The following HPSE2 variants were observed in gnomAD, a reference collection of about 807,000 sequenced individuals.
The protein encoded by HPSE2 is heparanase 2 (inactive), also known as inactive heparanase-2.
In HPSE2, 38 loss-of-function variants were observed where a neutral mutation model predicts 60.5. The observed-to-expected ratio is 0.63, with a 90% CI of 0.48 to 0.82. The LOEUF (loss-of-function observed/expected upper bound fraction) is 0.82, where lower values mean the gene tolerates loss of function less well. Ranked by LOEUF, HPSE2 falls within the 40% of genes least tolerant of loss-of-function variation. The pLI is 0.00. For missense variants in HPSE2, 713 were observed against 740.4 expected, an observed-to-expected ratio of 0.96 and a Z score of 0.43; for synonymous variants, 295 against 293.2, an observed-to-expected ratio of 1.01 and a Z score of -0.06.
chr10:98,507,213 T>C (rs1942230873), intron 9 of HPSE2, among the ~76,000 whole-genome samples: 1 of 152,146 alleles, frequency 6.6e-6, no homozygotes, highest in African/African-American at 2.4e-5. Flanking sequence ...ATGGGAGTTA[T>C]TGGTAATGTT....
rs1009571729 is a variant in HPSE2 at position 98,458,713 on chromosome 10, T to C, written c.*861A>G. Reference sequence around the variant, plus strand: ...AGTTGGGGTGTGTGTGTGTACCTGATGTTTCAGTATGCTTTCTCTTTGTAC... The same window carrying C: ...AGTTGGGGTGTGTGTGTGTACCTGACGTTTCAGTATGCTTTCTCTTTGTAC... On this transcript the variant is annotated 3_prime_UTR_variant, in exon 12 of 12. Transcript: ENST00000370552. 3.3e-5 allele frequency: 5 copies of C among 152,558 alleles called. No individual in the cohort carries two copies. Among genetic ancestry groups the C allele is most frequent in the Non-Finnish European group, 5.9e-5 (4 of 68,334 alleles). The allele number at this position is 152,558 out of a possible 1,614,324, so 9.5% of individuals were successfully genotyped here.
intron 3 of HPSE2, among the ~76,000 whole-genome samples, chr10:98,776,802 T>C: frequency 6.6e-6 from 1 of 152,132 alleles, no homozygotes; most frequent in East Asian, 1.9e-4. Flanking sequence ...AACTGTGTAT[T>C]AGATGATTAT....
the HPSE2 span, among the ~76,000 whole-genome samples, chr10:99,268,501 C>A: frequency 6.6e-6 from 1 of 151,462 alleles, no homozygotes; most frequent in Non-Finnish European, 1.5e-5. Context: ...CAAAAATTAG[C>A]CGGGTGTGGT....
chr10:98,895,269 T>C (rs1262523520), intron 3 of HPSE2, among the ~76,000 whole-genome samples: 1 of 151,982 alleles, frequency 6.6e-6, no homozygotes, highest in Non-Finnish European at 1.5e-5. Flanking sequence ...ATATAGAAAA[T>C]ACAGAGAGTT....
At chr10:98,809,507 T>C (rs1005310223) in intron 3 of HPSE2, among the ~76,000 whole-genome samples, 4 of 149,968 alleles carry the variant, frequency 2.7e-5, no homozygotes, top group Non-Finnish European at 5.9e-5. Context: ...ACAAATTCTG[T>C]ATGTATGTGT....
At chr10:98,551,362 C>T (rs1405438557) in intron 9 of HPSE2, among the ~76,000 whole-genome samples, 1 of 152,176 alleles carries the variant, frequency 6.6e-6, no homozygotes, top group Non-Finnish European at 1.5e-5. Flanking sequence ...TTGTACTGAA[C>T]ATCTGCTGCT....
chr10:99,313,402 G>A, the HPSE2 span, among the ~76,000 whole-genome samples: 2 of 152,122 alleles, frequency 1.3e-5, no homozygotes, highest in African/African-American at 4.8e-5. Context: ...GAGAAGTGCT[G>A]CAATCTCAGG....
intron 3 of HPSE2, among the ~76,000 whole-genome samples, chr10:98,782,928 T>TAC (rs1950511524): frequency 1.6e-4 from 1 of 6,088 alleles, no homozygotes; most frequent in Non-Finnish European, 5.2e-4. Flanking sequence ...TTTTTTTTAT[T>TAC]TTTTTTTTTA....
chr10:98,814,902 T>C (rs1951250221), intron 3 of HPSE2, among the ~76,000 whole-genome samples: 1 of 152,232 alleles, frequency 6.6e-6, no homozygotes, highest in Admixed American at 6.5e-5. Context: ...ACTCAAGAGA[T>C]TTCCATTCTT....
chr10:98,492,299 G>C (rs575663679), intron 9 of HPSE2, among the ~76,000 whole-genome samples: 3 of 152,160 alleles, frequency 2.0e-5, no homozygotes, highest in Non-Finnish European at 4.4e-5. Context: ...TCAGGAGATC[G>C]AGACCATCCT....
rs71304999 is a variant in HPSE2 at position 98,600,926 on chromosome 10, T to TATATATATATATAAA, written c.1320+13977_1320+13978insTTTATATATATATAT. On this transcript the variant is annotated intron_variant, in intron 9 of 11. Coordinates refer to ENST00000370552, the MANE Select transcript of HPSE2 (RefSeq NM_021828.5). ...ATGTGTGTGTGTATATATATATATA[T>TATATATATATATAAA]ATATATATATATATAGAAAGAGAGA... Among the ~76,000 whole-genome samples, 86 of 107,900 alleles carry TATATATATATATAAA rather than the reference T, an allele frequency of 8.0e-4. 1 individual carries two copies. The highest frequency in any genetic ancestry group is 6.3e-3 in the East Asian group (22 of 3,492). 70.8% of individuals were successfully genotyped at this position (107,900 alleles called of 152,430 possible). A position where few individuals can be genotyped will look rare whatever the true frequency, so the allele number is the denominator to read the frequency against.
intron 2 of HPSE2, among the ~76,000 whole-genome samples, chr10:99,150,616 T>C (rs1846224315): frequency 6.6e-6 from 1 of 152,192 alleles, no homozygotes; most frequent in Non-Finnish European, 1.5e-5. Context: ...CCACCAAATC[T>C]GGCCTAGCTA....
intron 5 of HPSE2, among the ~76,000 whole-genome samples, chr10:98,716,957 G>A (rs189695505): frequency 1.2e-4 from 19 of 152,066 alleles, no homozygotes; most frequent in Non-Finnish European, 1.8e-4. Flanking sequence ...GAGACCCTAC[G>A]ATTTTCAGAG....
chr10:98,781,635 A>G (rs1950472583), intron 3 of HPSE2, among the ~76,000 whole-genome samples: 1 of 152,296 alleles, frequency 6.6e-6, no homozygotes, highest in Admixed American at 6.5e-5. Flanking sequence ...TTTACTTGTA[A>G]TCAAAGAAAT....
intron 11 of HPSE2, among the ~76,000 whole-genome samples, chr10:98,470,387 C>T (rs1309212179): frequency 2.0e-5 from 3 of 152,080 alleles, no homozygotes; most frequent in East Asian, 1.9e-4. Flanking sequence ...CTAGTCTGCA[C>T]GGGTATTGCT....
intron 3 of HPSE2, among the ~76,000 whole-genome samples, chr10:98,978,079 T>G (rs1488431104): frequency 6.6e-6 from 1 of 152,052 alleles, no homozygotes; most frequent in Non-Finnish European, 1.5e-5. Flanking sequence ...TAGTACAAGG[T>G]AGAGCCAGGA....
At chr10:98,522,261 A>T (rs1378079355) in intron 9 of HPSE2, among the ~76,000 whole-genome samples, 1 of 152,126 alleles carries the variant, frequency 6.6e-6, no homozygotes, top group East Asian at 1.9e-4. Context: ...TATGCAAAAA[A>T]AAAACAATAA....
chr10:99,297,915 T>C, the HPSE2 span, among the ~76,000 whole-genome samples: 1 of 152,182 alleles, frequency 6.6e-6, no homozygotes, highest in African/African-American at 2.4e-5. Flanking sequence ...CCCAGGCGAA[T>C]GTTGGTCTTG....
rs557175982 is a variant in HPSE2 at position 98,864,384 on chromosome 10, T to C, written c.611-120328A>G. Among the ~76,000 whole-genome samples the C allele has an allele frequency of 5.9e-5, 9 of 152,270 alleles. No homozygotes were observed. The South Asian group carries it at 1.9e-3, about 32-fold the overall frequency. On this transcript the variant is annotated intron_variant, in intron 3 of 11. Coordinates refer to ENST00000370552, the MANE Select transcript of HPSE2 (RefSeq NM_021828.5). ...ACCTTTGGAGGAGAACGAACCATTGTAATACCTAAGTTTTCTCACACACAC... is the reference window on the plus strand; with the variant it reads ...ACCTTTGGAGGAGAACGAACCATTGCAATACCTAAGTTTTCTCACACACAC...
Sources: gnomAD v4.1 joint callset for allele counts (sites outside exome capture counted in the v4.1 genomes callset) on GRCh38, gnomAD v4.1.1 for gene constraint, MANE v1.5 for transcripts, NCBI Gene and HGNC (gene_info 2026-07-23, HGNC 2026-07-21) for gene names.